GPBP1L1: variants seen among roughly 807,000 people sequenced by gnomAD.
GPBP1L1 encodes vasculin-like protein 1.
GPBP1L1 carries 23 observed loss-of-function variants against 52.5 expected under a neutral mutation model. The observed-to-expected ratio is 0.44, with a 90% CI of 0.32 to 0.62. The LOEUF is 0.62. Among genes scored for constraint, GPBP1L1 ranks in the 20% least tolerant of loss-of-function variants. GPBP1L1 has a pLI of 0.06. For synonymous variants in GPBP1L1, 243 were observed against 203.1 expected (o/e 1.20, Z -1.67); for missense variants, 596 against 579.3 (o/e 1.03, Z -0.30).
chr1:45,639,050 G>GA (rs372916432), intron 8 of GPBP1L1, among the ~76,000 whole-genome samples: 68 of 145,896 alleles, frequency 4.7e-4, no homozygotes, highest in African/African-American at 1.2e-3. Flanking sequence ...TAAAGAGCTG[G>GA]AAAAAAAAAA....
At chr1:45,643,658 C>CTTTTTTTTTTTTTTTTTTTTTTTTT (rs113388167) in intron 6 of GPBP1L1, among the ~76,000 whole-genome samples, 1 of 65,112 alleles carries the variant, frequency 1.5e-5, no homozygotes, top group African/African-American at 6.4e-5. Context: ...AGGAGAATGG[C>CTTTTTTTTTTTTTTTTTTTTTTTTT]TTTTTTTTTT....
In GPBP1L1 at chr1:45,634,165, A is replaced by G; in HGVS notation, c.816T>C (p.Phe272=). ...GSLSSSRESA[F]TSPISVTKPV... is the part of the protein sequence containing the mutation. Reference sequence around the variant, plus strand: ...GTTTGGTAACAGAGATTGGACTGGTAAAAGCAGACTCCCGGCTAGAGGAAA... The same window carrying G: ...GTTTGGTAACAGAGATTGGACTGGTGAAAGCAGACTCCCGGCTAGAGGAAA... The change falls in exon 9 of 13, where the codon TTT becomes TTC. Residue 272 remains phenylalanine, a synonymous_variant. Coordinates refer to ENST00000355105, the MANE Select transcript of GPBP1L1 (RefSeq NM_021639.5). 1 of 1,614,030 alleles carries G rather than the reference A, an allele frequency of 6.2e-7. No homozygotes were observed. Among genetic ancestry groups the G allele is most frequent in the South Asian group, 1.1e-5 (1 of 91,066 alleles).
chr1:45,681,638 T>A (rs2148522335), intron 2 of GPBP1L1, among the ~76,000 whole-genome samples: 1 of 152,366 alleles, frequency 6.6e-6, no homozygotes, highest in South Asian at 2.1e-4. Flanking sequence ...ACTTCTCTAA[T>A]AATCATGAAG....
At chr1:45,629,454 T>TCCCCCCCCCCCCCCCCCCCC (rs374490837) in intron 12 of GPBP1L1, 122 bp downstream of exon 12, 2 of 117,282 alleles carry the variant, frequency 1.7e-5, no homozygotes, top group African/African-American at 1.0e-4. Context: ...ACTAAGGTAA[T>TCCCCCCCCCCCCCCCCCCCC]CCCCCCCCCC....
intron 10 of GPBP1L1, among the ~76,000 whole-genome samples, chr1:45,632,070 A>G (rs2148419839): frequency 6.6e-6 from 1 of 152,310 alleles, no homozygotes; most frequent in Non-Finnish European, 1.5e-5. Flanking sequence ...CATACAAAAA[A>G]AATTCCAGAA....
chr1:45,655,260 A>T lies in GPBP1L1; in HGVS notation c.120T>A (p.Phe40Leu). 6.2e-7 allele frequency: 1 copy of T among 1,614,154 alleles called. No homozygotes were observed. The highest frequency in any genetic ancestry group is 8.5e-7 in the Non-Finnish European group (1 of 1,179,992). The change falls in exon 5 of 13, where the codon TTT (phenylalanine) becomes TTA (leucine). Residue 40 changes from phenylalanine (F) to leucine (L), a missense_variant. Physicochemically the swap from Phe to Leu is conservative, Grantham distance 22. Coordinates refer to ENST00000355105, the MANE Select transcript of GPBP1L1 (RefSeq NM_021639.5). ...AATTATGTCGACGGCGGCTTACTCC[A>T]AATCTACCTTCTCCTCTGGGTAGGT... Reference protein sequence around the residue: ...GEHLPRGEGRFGVSRRRHNSS... With the variant: ...GEHLPRGEGRLGVSRRRHNSS...
At position 45,661,508 on chromosome 1, in the gene GPBP1L1, T is replaced by C. The variant is rs923060088; in HGVS notation, c.-1097-283A>G. On this transcript the variant is annotated intron_variant, in intron 2 of 12. Transcript: ENST00000355105. ...TTCGCTCTTGTTGCCCAAGCTGGAG[T>C]GCAATGTCGCCATCTCAGCTCACTG... 2.6e-5 allele frequency among the ~76,000 whole-genome samples: 4 copies of C among 151,072 alleles called. No homozygotes were observed. In the East Asian group the frequency reaches 7.8e-4, roughly 29 times the overall value.
intron 2 of GPBP1L1, among the ~76,000 whole-genome samples, chr1:45,669,566 C>G (rs1190438342): frequency 1.3e-5 from 2 of 152,164 alleles, no homozygotes; most frequent in Non-Finnish European, 2.9e-5. Flanking sequence ...GAATAACAGA[C>G]ATAGTTTAGT....
intron 12 of GPBP1L1, 122 bp downstream of exon 12, chr1:45,629,454 T>TTTCCCC (rs758811981): frequency 6.5e-4 from 77 of 117,610 alleles, no homozygotes; most frequent in South Asian, 9.6e-4. Flanking sequence ...ACTAAGGTAA[T>TTTCCCC]CCCCCCCCCC....
intron 2 of GPBP1L1, among the ~76,000 whole-genome samples, chr1:45,672,413 C>T (rs1419071624): frequency 6.6e-6 from 1 of 151,506 alleles, no homozygotes; most frequent in African/African-American, 2.4e-5. Flanking sequence ...TGCATTATTT[C>T]CTTTAAATGG....
intron 8 of GPBP1L1, among the ~76,000 whole-genome samples, chr1:45,639,353 G>A (rs1293838801): frequency 6.6e-6 from 1 of 152,156 alleles, no homozygotes; most frequent in African/African-American, 2.4e-5. Flanking sequence ...TTCCTTGGCT[G>A]AGGAGAATGA....
At chr1:45,680,241 T>A (rs933404330) in intron 2 of GPBP1L1, among the ~76,000 whole-genome samples, 12 of 150,906 alleles carry the variant, frequency 8.0e-5, no homozygotes, top group African/African-American at 2.9e-4. Flanking sequence ...CACGCTTTTT[T>A]TTTTTTTTTT....
At chr1:45,681,143 C>T (rs1645207975) in intron 2 of GPBP1L1, among the ~76,000 whole-genome samples, 1 of 151,928 alleles carries the variant, frequency 6.6e-6, no homozygotes, top group Admixed American at 6.6e-5. Flanking sequence ...GCATCTCAAA[C>T]GAGAGTAAAT....
chr1:45,670,349 C>A (rs1395861780), intron 2 of GPBP1L1, among the ~76,000 whole-genome samples: 1 of 152,154 alleles, frequency 6.6e-6, no homozygotes, highest in Non-Finnish European at 1.5e-5. Context: ...GATACGAATC[C>A]TATGATTATA....
chr1:45,652,863 T>A (rs948950556), intron 6 of GPBP1L1, among the ~76,000 whole-genome samples: 1 of 152,154 alleles, frequency 6.6e-6, no homozygotes, highest in Non-Finnish European at 1.5e-5. Context: ...TCAAGTTCCT[T>A]AAGTGTAATG....
At chr1:45,683,478 T>G (rs1428729590) in intron 2 of GPBP1L1, among the ~76,000 whole-genome samples, 1 of 151,176 alleles carries the variant, frequency 6.6e-6, no homozygotes, top group African/African-American at 2.4e-5. Context: ...GTGCTGGGAT[T>G]ACAGGCGTGA....
chr1:45,634,399 G>C, intron 8 of GPBP1L1, 163 bp from the exon 9 acceptor site: 1 of 592,472 alleles, frequency 1.7e-6, no homozygotes, highest in Non-Finnish European at 2.8e-6. Flanking sequence ...TCGGAGGTTA[G>C]GCACTTCAAG....
intron 10 of GPBP1L1, among the ~76,000 whole-genome samples, chr1:45,632,542 T>A (rs1644543346): frequency 6.6e-6 from 1 of 151,896 alleles, no homozygotes; most frequent in South Asian, 2.1e-4. Flanking sequence ...ATGACGAAAC[T>A]CCATCTCTAC....
At chr1:45,631,904 C>A (rs373407793) in intron 10 of GPBP1L1, among the ~76,000 whole-genome samples, 1 of 152,118 alleles carries the variant, frequency 6.6e-6, no homozygotes, top group Non-Finnish European at 1.5e-5. Context: ...GCCTGGGCGA[C>A]AGAGTGAGAC....
Sources: gnomAD v4.1 joint callset for allele counts (sites outside exome capture counted in the v4.1 genomes callset) on GRCh38, gnomAD v4.1.1 for gene constraint, MANE v1.5 for transcripts, NCBI Gene and HGNC (gene_info 2026-07-23, HGNC 2026-07-21) for gene names.